Variants in EZH2 observed in about 807,000 individuals in gnomAD.
EZH2 encodes enhancer of zeste 2 polycomb repressive complex 2 subunit, also known as histone-lysine N-methyltransferase EZH2.
EZH2 carries 18 observed loss-of-function variants against 98.4 expected under a neutral mutation model. The observed-to-expected ratio is 0.18, with a 90% confidence interval of 0.13 to 0.27. The LOEUF is 0.27. EZH2 is among the 10% of genes least tolerant of loss of function. The pLI, the probability that EZH2 is intolerant of heterozygous loss-of-function variation, is 1.00. For missense variants in EZH2, 470 were observed against 935.1 expected (o/e 0.50, Z 6.49); for synonymous variants, 338 against 312.3 (o/e 1.08, Z -0.87).
At chr7:148,867,638 T>C (rs1818736020) in intron 1 of EZH2, among the ~76,000 whole-genome samples, 1 of 152,222 alleles carries the variant, frequency 6.6e-6, no homozygotes, top group African/African-American at 2.4e-5. Flanking sequence ...CGTCCTCTTA[T>C]GTAAATTTCT....
At chr7:148,852,377 C>T (rs1202028260) in intron 1 of EZH2, among the ~76,000 whole-genome samples, 1 of 152,186 alleles carries the variant, frequency 6.6e-6, no homozygotes, top group Non-Finnish European at 1.5e-5. Context: ...AGGGTCAATT[C>T]ACCCTTCTCT....
intron 1 of EZH2, among the ~76,000 whole-genome samples, chr7:148,863,194 C>T (rs765828697): frequency 1.3e-5 from 2 of 151,844 alleles, no homozygotes; most frequent in African/African-American, 2.4e-5. Flanking sequence ...CATACGAATC[C>T]GAAGTCATAA....
intron 4 of EZH2, 115 bp from the exon 5 acceptor site, chr7:148,829,963 A>G: frequency 6.0e-6 from 4 of 667,762 alleles, no homozygotes; most frequent in Non-Finnish European, 6.8e-6. Context: ...CTCCAGATTT[A>G]AAATACTAGT....
chr7:148,854,138 C>T (rs369247350), intron 1 of EZH2, among the ~76,000 whole-genome samples: 1 of 152,158 alleles, frequency 6.6e-6, no homozygotes, highest in Admixed American at 6.5e-5. Flanking sequence ...TTGTCAGAGC[C>T]CTTATTGCTT....
chr7:148,823,843 C>T (rs990705357), intron 8 of EZH2, among the ~76,000 whole-genome samples: 3 of 151,922 alleles, frequency 2.0e-5, no homozygotes, highest in Non-Finnish European at 4.4e-5. Flanking sequence ...TTTTTGGAAA[C>T]GTAAACCATG....
chr7:148,853,723 C>T (rs1816287598), intron 1 of EZH2, among the ~76,000 whole-genome samples: 2 of 152,154 alleles, frequency 1.3e-5, no homozygotes, highest in Non-Finnish European at 2.9e-5. Flanking sequence ...AAAGTATGTA[C>T]ATGTTCAGTA....
intron 3 of EZH2, among the ~76,000 whole-genome samples, chr7:148,839,078 AAGGAAGGAAG>A (rs1398804720): frequency 6.6e-6 from 1 of 150,482 alleles, no homozygotes; most frequent in African/African-American, 2.5e-5. Context: ...GGAAGGAAGG[AAGGAAGGAAG>A]GAAGGAAGGA....
Position 148,857,681 on chromosome 7 carries a change from G to A in EZH2, c.-7-10376C>T, listed in dbSNP as rs143278563. On this transcript the variant is annotated intron_variant, in intron 1 of 19. Transcript: ENST00000320356. ...CAGGAGAATTGCTTGAACCCAGGAG[G>A]TGGAGGCTGCAGTGAGCAGAGATCG... is the stretch of plus-strand genomic sequence containing the variant. 4.6e-5 allele frequency among the ~76,000 whole-genome samples: 7 copies of A among 152,198 alleles called. No individual in the cohort carries two copies. The East Asian group carries it at 5.8e-4, about 13-fold the overall frequency.
At position 148,813,957 on chromosome 7, in the gene EZH2, A is replaced by C; in HGVS notation, c.1851+2T>G. 6.2e-7 allele frequency: 1 copy of C among 1,610,424 alleles called. No individual in the cohort carries two copies. ...ATCTTCCAGAAGTGACTTGTTGCTC[A>C]CCTTTTTGGAGCCCCGCTGAATACT... On this transcript the variant is annotated splice_donor_variant, in intron 15 of 19. Coordinates refer to ENST00000320356, the MANE Select transcript of EZH2 (RefSeq NM_004456.5). LOFTEE classifies it high-confidence loss of function.
At position 148,810,511 on chromosome 7, in the gene EZH2, G is replaced by C. The variant is rs184111190; in HGVS notation, c.1948-97C>G. 27 of 731,372 alleles carry C rather than the reference G, an allele frequency of 3.7e-5. No individual in the cohort carries two copies. The African/African-American group carries it at 4.5e-4, about 12-fold the overall frequency. The allele number at this position is 731,372 out of a possible 1,614,324, so 45.3% of individuals were successfully genotyped here. A position where few individuals can be genotyped will look rare whatever the true frequency, so the allele number is the denominator to read the frequency against. ...CACAGAGTGAATACTGGACCTTCTG[G>C]AGAAAACGCAACAAAAAGGGTCACT... On this transcript the variant is annotated intron_variant, in intron 16 of 19. Transcript: ENST00000320356.
chr7:148,871,808 C>G (rs1016264563), intron 1 of EZH2, among the ~76,000 whole-genome samples: 1 of 152,084 alleles, frequency 6.6e-6, no homozygotes, highest in African/African-American at 2.4e-5. Context: ...CTCCTGGCCT[C>G]AACTGATCCT....
chr7:148,831,945 C>T (rs1055733027), intron 4 of EZH2, among the ~76,000 whole-genome samples: 1 of 152,190 alleles, frequency 6.6e-6, no homozygotes, highest in Non-Finnish European at 1.5e-5. Flanking sequence ...TTCACAAGCC[C>T]TATGAATTTT....
intron 10 of EZH2, 46 bp from the exon 11 acceptor site, chr7:148,817,437 ATATTAAGAAG>A (rs1164216962): frequency 3.2e-6 from 5 of 1,585,118 alleles, no homozygotes; most frequent in Non-Finnish European, 4.3e-6. Context: ...ATTGGAAATA[ATATTAAGAAG>A]TACAATTCAG....
At chr7:148,859,988 G>A (rs945534957) in intron 1 of EZH2, among the ~76,000 whole-genome samples, 16 of 151,990 alleles carry the variant, frequency 1.1e-4, no homozygotes, top group Non-Finnish European at 1.6e-4. Flanking sequence ...GCCATTCTCT[G>A]TTAGTATTAT....
chr7:148,858,456 C>T (rs895805583), intron 1 of EZH2, among the ~76,000 whole-genome samples: 3 of 152,132 alleles, frequency 2.0e-5, no homozygotes, highest in African/African-American at 7.2e-5. Flanking sequence ...CCAGCTTGGC[C>T]TCCCATACTT....
intron 3 of EZH2, among the ~76,000 whole-genome samples, chr7:148,834,352 T>TATATATACACAC (rs1321608007): frequency 7.0e-5 from 10 of 143,320 alleles, no homozygotes; most frequent in African/African-American, 2.6e-4. Flanking sequence ...TATATATATA[T>TATATATACACAC]ACACACACAC....
At chr7:148,861,046 A>AG (rs1432367280) in intron 1 of EZH2, among the ~76,000 whole-genome samples, 1 of 152,126 alleles carries the variant, frequency 6.6e-6, no homozygotes, top group African/African-American at 2.4e-5. Context: ...TATTGGTTCC[A>AG]GGAACTTCAT....
chr7:148,843,595 T>G (rs1047271122), intron 3 of EZH2, among the ~76,000 whole-genome samples: 7 of 110,356 alleles, frequency 6.3e-5, no homozygotes, highest in African/African-American at 1.1e-4. Context: ...TTTTTTTTTT[T>G]TTTTTTTTTT....
rs1238577794 is a variant in EZH2, at chr7:148,807,433, TTATTGCAAAAATTC to T, written c.*199_*212del. On this transcript the variant is annotated 3_prime_UTR_variant, in exon 20 of 20. Coordinates refer to ENST00000320356, the MANE Select transcript of EZH2 (RefSeq NM_004456.5). Reference sequence around the variant, plus strand: ...AAGTTGAAAAATGTACCATACTGCATTATTGCAAAAATTCACTGGTACAAAACACTTTGCAGCTG... The same window carrying T: ...AAGTTGAAAAATGTACCATACTGCATACTGGTACAAAACACTTTGCAGCTG... 1 of 569,882 alleles carries T rather than the reference TTATTGCAAAAATTC, an allele frequency of 1.8e-6. No individual in the cohort carries two copies. Among genetic ancestry groups the T allele is most frequent in the Non-Finnish European group, 3.1e-6 (1 of 319,588 alleles). 35.3% of individuals were successfully genotyped at this position (569,882 alleles called of 1,614,324 possible).
Sources: gnomAD v4.1 joint callset for allele counts (sites outside exome capture counted in the v4.1 genomes callset) on GRCh38, gnomAD v4.1.1 for gene constraint, MANE v1.5 for transcripts, NCBI Gene and HGNC (gene_info 2026-07-23, HGNC 2026-07-21) for gene names.